TBCK: variants seen among roughly 807,000 people sequenced by gnomAD.
The protein encoded by TBCK is TBC domain-containing protein kinase-like protein.
A neutral mutation model predicts 113.4 loss-of-function variants in TBCK; 99 were observed. The ratio of observed to expected loss-of-function variants is 0.87; its 90% CI spans 0.74 to 1.03. TBCK has a LOEUF of 1.03. Ranked by LOEUF, TBCK falls within the 50% of genes least tolerant of loss-of-function variation. The probability of loss-of-function intolerance (pLI) is 0.00; values close to 1 mark genes in which losing one functional copy is unlikely to be tolerated. For synonymous variants in TBCK, 369 were observed against 370.8 expected (o/e 1.00, Z 0.05); for missense variants, 1,045 against 1,061.3 (o/e 0.98, Z 0.21).
At chr4:106,194,632 G>T in intron 21 of TBCK, 86 bp downstream of exon 21, 1 of 1,045,680 alleles carries the variant, frequency 9.6e-7, no homozygotes, top group African/African-American at 1.6e-5. Flanking sequence ...TCTGCTCAAT[G>T]TTATTGTAAA....
In TBCK at chr4:106,178,137, T is replaced by C. The variant is rs57246552; in HGVS notation, c.2060-6867A>G. On this transcript the variant is annotated intron_variant, in intron 22 of 25. Coordinates refer to ENST00000394708, the MANE Select transcript of TBCK (RefSeq NM_001163435.3). ...TCTTTTTCAGATTGTTCACTGTTGG[T>C]TTAAAGAAATGCTACTGATTTTTAT... 5.7e-3 allele frequency among the ~76,000 whole-genome samples: 865 copies of C among 152,118 alleles called. 9 individuals are homozygous for C. The highest frequency in any genetic ancestry group is 0.02 in the African/African-American group (835 of 41,540).
chr4:106,245,092 C>T (rs1266931037), intron 10 of TBCK, among the ~76,000 whole-genome samples: 1 of 152,068 alleles, frequency 6.6e-6, no homozygotes, highest in Admixed American at 6.6e-5. Flanking sequence ...GCCTCAGGAA[C>T]CAGTGCCAAG....
chr4:106,188,660 A>G (rs1311084584), intron 22 of TBCK, among the ~76,000 whole-genome samples: 3 of 152,190 alleles, frequency 2.0e-5, no homozygotes, highest in Non-Finnish European at 4.4e-5. Flanking sequence ...TTTAAGATGT[A>G]TAAGAACTCA....
At chr4:106,104,662 T>A (rs1336242600) in intron 24 of TBCK, among the ~76,000 whole-genome samples, 4 of 152,212 alleles carry the variant, frequency 2.6e-5, no homozygotes, top group Non-Finnish European at 5.9e-5. Context: ...ACTGCTTTTT[T>A]AAGCGGGTTC....
chr4:106,216,431 G>A (rs1373714155), intron 19 of TBCK, among the ~76,000 whole-genome samples: 2 of 152,102 alleles, frequency 1.3e-5, no homozygotes, highest in African/African-American at 4.8e-5. Flanking sequence ...TCCAGGAGCT[G>A]GTTTTCTGAA....
At chr4:106,153,277 A>C (rs1748730547) in intron 23 of TBCK, among the ~76,000 whole-genome samples, 1 of 152,032 alleles carries the variant, frequency 6.6e-6, no homozygotes, top group African/African-American at 2.4e-5. Context: ...ATTCATTTCC[A>C]AATAATTTTC....
chr4:106,125,517 A>G (rs1356053735), intron 23 of TBCK, among the ~76,000 whole-genome samples: 1 of 152,198 alleles, frequency 6.6e-6, no homozygotes, highest in African/African-American at 2.4e-5. Flanking sequence ...AAATAAATAA[A>G]TGAATAAAAT....
chr4:106,116,719 C>T (rs62321369), intron 23 of TBCK, among the ~76,000 whole-genome samples: 21 of 152,074 alleles, frequency 1.4e-4, no homozygotes, highest in Admixed American at 3.3e-4. Context: ...CATAGGAGTA[C>T]AAACCCTGTT....
At chr4:106,299,347 G>A (rs925874542) in intron 2 of TBCK, among the ~76,000 whole-genome samples, 3 of 152,156 alleles carry the variant, frequency 2.0e-5, no homozygotes, top group Admixed American at 6.5e-5. Flanking sequence ...TGACTTTCAT[G>A]TAAAACAAAA....
At chr4:106,260,048 A>C (rs1431013815) in intron 5 of TBCK, among the ~76,000 whole-genome samples, 1 of 151,930 alleles carries the variant, frequency 6.6e-6, no homozygotes, top group Non-Finnish European at 1.5e-5. Context: ...TTAAACATAA[A>C]ACATTAAATT....
intron 25 of TBCK, among the ~76,000 whole-genome samples, chr4:106,088,504 T>C (rs1739780492): frequency 6.6e-6 from 1 of 152,166 alleles, no homozygotes; most frequent in African/African-American, 2.4e-5. Flanking sequence ...GGTAGGAATG[T>C]AAATTAGTTC....
chr4:106,094,092 T>A (rs1030622313), intron 25 of TBCK, among the ~76,000 whole-genome samples: 1 of 152,162 alleles, frequency 6.6e-6, no homozygotes, highest in Non-Finnish European at 1.5e-5. Flanking sequence ...AGTGAAGGCA[T>A]CAAATTTGGA....
intron 5 of TBCK, among the ~76,000 whole-genome samples, chr4:106,254,278 C>T (rs1761747668): frequency 6.6e-6 from 1 of 152,174 alleles, no homozygotes; most frequent in Admixed American, 6.5e-5. Context: ...AGTAAACTAG[C>T]CTCAGCAGTT....
intron 20 of TBCK, among the ~76,000 whole-genome samples, chr4:106,204,106 G>T (rs1755184070): frequency 1.3e-5 from 2 of 152,058 alleles, no homozygotes; most frequent in African/African-American, 2.4e-5. Flanking sequence ...ATTAAATAAA[G>T]AACAATACCC....
At chr4:106,303,014 G>C (rs967883421) in intron 2 of TBCK, among the ~76,000 whole-genome samples, 1 of 152,152 alleles carries the variant, frequency 6.6e-6, no homozygotes, top group Admixed American at 6.5e-5. Context: ...ATTAGATATA[G>C]TTACCACTAG....
chr4:106,245,166 T>TA (rs1195448932), intron 10 of TBCK, among the ~76,000 whole-genome samples: 7 of 152,114 alleles, frequency 4.6e-5, no homozygotes, highest in Non-Finnish European at 7.4e-5. Context: ...GTCTGAGAGT[T>TA]AAAAACTCCA....
intron 19 of TBCK, among the ~76,000 whole-genome samples, chr4:106,219,840 T>C (rs912850894): frequency 1.3e-5 from 2 of 152,120 alleles, no homozygotes; most frequent in Non-Finnish European, 2.9e-5. Flanking sequence ...TTTTTTGAAA[T>C]TGAAATGACA....
At chr4:106,134,809 G>A (rs145653583) in intron 23 of TBCK, among the ~76,000 whole-genome samples, 2,393 of 152,274 alleles carry the variant, frequency 0.016, 36 homozygotes, top group Non-Finnish European at 0.022. Flanking sequence ...CAGGTGAGAA[G>A]TAGGGAGAGA....
intron 24 of TBCK, among the ~76,000 whole-genome samples, chr4:106,105,286 T>G (rs1481426153): frequency 6.6e-6 from 1 of 152,220 alleles, no homozygotes; most frequent in Non-Finnish European, 1.5e-5. Context: ...TTGGGCTGAC[T>G]TCGCTGAGTG....
Sources: allele counts gnomAD v4.1 joint callset (sites outside exome capture counted in the v4.1 genomes callset), GRCh38; gene constraint gnomAD v4.1.1; transcripts MANE v1.5; gene names NCBI Gene and HGNC (gene_info 2026-07-23, HGNC 2026-07-21).